CLMN: variants seen among roughly 807,000 people sequenced by gnomAD.
The protein encoded by CLMN is calmin, also known as calmin (calponin-like, transmembrane).
Under a neutral mutation model 92.7 loss-of-function variants are expected in CLMN, and 57 were observed. The ratio of observed to expected loss-of-function variants is 0.61; its 90% confidence interval spans 0.50 to 0.77. The LOEUF (loss-of-function observed/expected upper bound fraction) is 0.77, where lower values mean the gene tolerates loss of function less well. Among genes scored for constraint, CLMN ranks in the 30% least tolerant of loss-of-function variants. CLMN has a pLI of 0.00. For synonymous variants in CLMN, 466 were observed against 470.6 expected, an observed-to-expected ratio of 0.99 and a Z score of 0.13; for missense variants, 1,158 against 1,237.5, an observed-to-expected ratio of 0.94 and a Z score of 0.96.
rs1441400938 is a variant in CLMN, at chr14:95,294,256, C to CTT, written c.82+25454_82+25455insAA. The stretch of plus-strand genomic sequence containing the variant: ...CTACAAAGATGAGGAAAAGGCATGG[C>CTT]CCCTGCTTGCACGGGGAAGACAAAA... On this transcript the variant is annotated intron_variant, in intron 1 of 12. Transcript: ENST00000298912. This position sits in a 1 kb window ranked among gnomAD's most constrained non-coding sequence, Gnocchi z 4.2. Among the ~76,000 whole-genome samples the CTT allele has an allele frequency of 6.6e-6, 1 of 152,350 alleles. No individual in the cohort carries two copies. The highest frequency in any genetic ancestry group is 1.9e-4 in the East Asian group (1 of 5,192).
At chr14:95,239,566 C>G (rs1371938399) in intron 1 of CLMN, among the ~76,000 whole-genome samples, 1 of 152,114 alleles carries the variant, frequency 6.6e-6, no homozygotes, top group Admixed American at 6.5e-5. Context: ...TAAACTCGAG[C>G]AACATCTAAA....
At position 95,283,268 on chromosome 14, in the gene CLMN, A is replaced by C. The variant is rs947080230; in HGVS notation, c.82+36443T>G. On this transcript the variant is annotated intron_variant, in intron 1 of 12. Coordinates refer to ENST00000298912, the MANE Select transcript of CLMN (RefSeq NM_024734.4). The stretch of plus-strand genomic sequence containing the variant: ...TTTTCTCTTGCTGCTGCCATGTAAG[A>C]AATGCCTTTCACCTTCCGCCACGAT... Among the ~76,000 whole-genome samples the C allele has an allele frequency of 5.3e-5, 8 of 152,202 alleles. No individual in the cohort carries two copies. In the East Asian group the frequency reaches 1.5e-3, roughly 29 times the overall value.
intron 1 of CLMN, among the ~76,000 whole-genome samples, chr14:95,303,624 G>GC (rs1901152245): frequency 6.6e-6 from 1 of 152,218 alleles, no homozygotes; most frequent in South Asian, 2.1e-4. Flanking sequence ...CCTCTGCAAT[G>GC]CCCCCGATTT....
intron 1 of CLMN, among the ~76,000 whole-genome samples, chr14:95,314,461 G>C (rs1302946953): frequency 6.6e-6 from 1 of 152,062 alleles, no homozygotes; most frequent in African/African-American, 2.4e-5. Context: ...GACGGCTTTA[G>C]GTGGGCACCT....
rs1030520911 is a variant in CLMN at position 95,203,849 on chromosome 14, G to A, written c.1500C>T (p.Asn500=). The change falls in exon 9 of 13, where the codon AAC becomes AAT. Residue 500 remains asparagine, a synonymous_variant. Coordinates refer to ENST00000298912, the MANE Select transcript of CLMN (RefSeq NM_024734.4). The part of the protein sequence containing the change: ...AGDIFLVEGT[N]NNSQSSSCNG... The stretch of plus-strand genomic sequence containing the variant: ...TACAGGAAGAAGACTGAGAATTATT[G>A]TTTGTGCCCTCCACCAAAAAAATGT... 5.0e-6 allele frequency: 8 copies of A among 1,613,996 alleles called. No individual in the cohort carries two copies. Among genetic ancestry groups the A allele is most frequent in the Non-Finnish European group, 5.9e-6 (7 of 1,180,024 alleles).
chr14:95,217,574 C>G (rs890430254), intron 4 of CLMN, among the ~76,000 whole-genome samples: 1 of 152,244 alleles, frequency 6.6e-6, no homozygotes, highest in Non-Finnish European at 1.5e-5. Flanking sequence ...TCATCACGAG[C>G]GCAAGTCCTG....
intron 1 of CLMN, among the ~76,000 whole-genome samples, chr14:95,311,976 C>T (rs993240142): frequency 2.0e-5 from 3 of 152,132 alleles, no homozygotes; most frequent in Non-Finnish European, 4.4e-5. Flanking sequence ...GAAGCCTCCC[C>T]GGGTTTCTAT....
intron 1 of CLMN, among the ~76,000 whole-genome samples, chr14:95,269,255 A>G (rs1186660776): frequency 6.6e-6 from 1 of 152,174 alleles, no homozygotes; most frequent in East Asian, 1.9e-4. Flanking sequence ...TTGTATTCTT[A>G]ATGTTTTATG....
At chr14:95,312,170 C>T (rs970314858) in intron 1 of CLMN, among the ~76,000 whole-genome samples, 5 of 152,144 alleles carry the variant, frequency 3.3e-5, no homozygotes, top group African/African-American at 9.7e-5. Context: ...GCAGGACCCA[C>T]GGTGAGCACC....
intron 8 of CLMN, among the ~76,000 whole-genome samples, chr14:95,205,542 T>C (rs1464927686): frequency 6.6e-6 from 1 of 152,308 alleles, no homozygotes; most frequent in East Asian, 1.9e-4. Flanking sequence ...TAGAAAAGAC[T>C]ACTTCAAAGT....
Position 95,230,083 on chromosome 14 carries a change from G to C in CLMN, c.133C>G (p.His45Asp). ...KRTFTRWINLHLEKCNPPLEV... is the reference protein window; with the variant it reads ...KRTFTRWINLDLEKCNPPLEV... ...AAGTGCGCCATTACCTTTTCTAGATGTAGATTTATCCATCGTGTAAAGGTC... is the reference window on the plus strand; with the variant it reads ...AAGTGCGCCATTACCTTTTCTAGATCTAGATTTATCCATCGTGTAAAGGTC... The change falls in exon 2 of 13, where the codon CAT becomes GAT. Residue 45 changes from histidine (H) to aspartate (D), a missense_variant. Physicochemically the swap from His to Asp is moderately conservative, Grantham distance 81. Transcript: ENST00000298912. The C allele has an allele frequency of 6.2e-7, 1 of 1,614,142 alleles. No homozygotes were observed. Among genetic ancestry groups the C allele is most frequent in the Non-Finnish European group, 8.5e-7 (1 of 1,179,980 alleles).
At position 95,249,087 on chromosome 14, in the gene CLMN, T is replaced by C. The variant is rs575025455; in HGVS notation, c.83-18954A>G. ...AAGGCACATGGATTAAATTATTCTA[T>C]GACAAATGATTTCCTTTCATTCTTC... On this transcript the variant is annotated intron_variant, in intron 1 of 12. Transcript: ENST00000298912. 5.9e-5 allele frequency among the ~76,000 whole-genome samples: 9 copies of C among 152,300 alleles called. No homozygotes were observed. The East Asian group carries it at 1.7e-3, about 29-fold the overall frequency.
chr14:95,250,021 C>T (rs1039454162), intron 1 of CLMN, among the ~76,000 whole-genome samples: 57 of 146,858 alleles, frequency 3.9e-4, no homozygotes, highest in African/African-American at 1.5e-3. Flanking sequence ...TGTGTGCCCC[C>T]GTTCCCATTC....
rs1898490585 is a variant in CLMN at position 95,245,253 on chromosome 14, TAATATA to T, written c.83-15126_83-15121del. 6.7e-5 allele frequency among the ~76,000 whole-genome samples: 2 copies of T among 29,882 alleles called. 1 individual carries two copies. The highest frequency in any genetic ancestry group is 1.8e-3 in the South Asian group (2 of 1,120). The allele number at this position is 29,882 out of a possible 152,430, so 19.6% of individuals were successfully genotyped here. A position where few individuals can be genotyped will look rare whatever the true frequency, so the allele number is the denominator to read the frequency against. On this transcript the variant is annotated intron_variant, in intron 1 of 12. Transcript: ENST00000298912. Reference sequence around the variant, plus strand: ...TATATATATATTATATATATATATATAATATATATATATATATTATATATATATAGT... The same window carrying T: ...TATATATATATTATATATATATATATTATATATATATTATATATATATAGT...
At chr14:95,284,975 T>G (rs1566913445) in intron 1 of CLMN, among the ~76,000 whole-genome samples, 1 of 152,166 alleles carries the variant, frequency 6.6e-6, no homozygotes, top group Non-Finnish European at 1.5e-5. Context: ...AATCTCTACT[T>G]GAATTGTATC....
intron 1 of CLMN, among the ~76,000 whole-genome samples, chr14:95,281,337 T>G (rs1051826556): frequency 6.6e-6 from 1 of 152,220 alleles, no homozygotes; most frequent in African/African-American, 2.4e-5. Context: ...TGCTGCACAT[T>G]ATACAGATCA....
Position 95,203,155 on chromosome 14 carries a change from A to G in CLMN, c.2194T>C (p.Tyr732His), listed in dbSNP as rs751963940. ...AAAACTGCAGCCAGGGGAACCTCAT[A>G]GTGTGGGAAATAGAAGAGGTCGTGG... ...IPHDLFYFPH[Y>H]EVPLAAVLEA... is the part of the protein sequence containing the mutation. The change falls in exon 9 of 13, where the codon TAT (tyrosine) becomes CAT (histidine). Residue 732 changes from tyrosine to histidine, a missense_variant. Coordinates refer to ENST00000298912, the MANE Select transcript of CLMN (RefSeq NM_024734.4). 6.2e-7 allele frequency: 1 copy of G among 1,612,600 alleles called. No individual in the cohort carries two copies. The highest frequency in any genetic ancestry group is 8.5e-7 in the Non-Finnish European group (1 of 1,179,994).
At chr14:95,213,874 C>T (rs1372026213) in intron 5 of CLMN, among the ~76,000 whole-genome samples, 1 of 152,146 alleles carries the variant, frequency 6.6e-6, no homozygotes, top group Non-Finnish European at 1.5e-5. Context: ...CTAGGCTCTA[C>T]CCCAGAGCTA....
Position 95,256,218 on chromosome 14 carries a change from G to A in CLMN, c.83-26085C>T, listed in dbSNP as rs10129715. 0.08 allele frequency among the ~76,000 whole-genome samples: 12,177 copies of A among 152,164 alleles called. 645 individuals are homozygous for A. The highest frequency in any genetic ancestry group is 0.14 in the African/African-American group (5,930 of 41,528). ...CCACGGGCACACCCAACCGAGGCCCGCCACCCACTCCTCGGCACCCAGTTG... is the reference window on the plus strand; with the variant it reads ...CCACGGGCACACCCAACCGAGGCCCACCACCCACTCCTCGGCACCCAGTTG... On this transcript the variant is annotated intron_variant, in intron 1 of 12. Transcript: ENST00000298912. This position sits in a 1 kb window ranked among gnomAD's most constrained non-coding sequence, Gnocchi z 4.9.
Sources: gnomAD v4.1 joint callset for allele counts (sites outside exome capture counted in the v4.1 genomes callset) on GRCh38, gnomAD v4.1.1 for gene constraint, Gnocchi (gnomAD v3.1) non-coding constraint, MANE v1.5 for transcripts, NCBI Gene and HGNC (gene_info 2026-07-23, HGNC 2026-07-21) for gene names.